The following CAMKMT variants were observed in gnomAD, a reference collection of about 807,000 sequenced individuals.
CAMKMT encodes CaM KMT.
A neutral mutation model predicts 48.0 loss-of-function variants in CAMKMT; 53 were observed. That is an observed-to-expected ratio of 1.10 (90% CI 0.89 to 1.39). CAMKMT has a LOEUF of 1.39. CAMKMT is among the 40% of genes most tolerant of loss of function. The pLI is 0.00. For synonymous variants in CAMKMT, 165 were observed against 152.3 expected (o/e 1.08, Z -0.61); for missense variants, 428 against 402.7 (o/e 1.06, Z -0.54).
At chr2:44,363,910 C>G (rs969325437) in intron 1 of CAMKMT, among the ~76,000 whole-genome samples, 4 of 151,614 alleles carry the variant, frequency 2.6e-5, no homozygotes, top group Non-Finnish European at 5.9e-5. Flanking sequence ...AGGCTGGTCT[C>G]AAACTCCTGA....
chr2:44,392,099 CTT>C (rs1438229360), intron 3 of CAMKMT: 1 of 152,086 alleles, frequency 6.6e-6, no homozygotes, highest in African/African-American at 2.4e-5. Flanking sequence ...TATATAACCT[CTT>C]TTGGTTTTTT....
chr2:44,655,401 G>A (rs534630800), intron 3 of CAMKMT, among the ~76,000 whole-genome samples: 47 of 152,156 alleles, frequency 3.1e-4, no homozygotes, highest in African/African-American at 1.1e-3. Context: ...GCTTTATTTG[G>A]CTAGTTGACA....
chr2:44,376,899 G>C (rs1401453827), intron 2 of CAMKMT, among the ~76,000 whole-genome samples: 1 of 152,132 alleles, frequency 6.6e-6, no homozygotes, highest in South Asian at 2.1e-4. Context: ...TCTACCTGTG[G>C]ATGGTGACTC....
At chr2:44,410,090 C>T (rs893591295) in intron 3 of CAMKMT, among the ~76,000 whole-genome samples, 3 of 151,386 alleles carry the variant, frequency 2.0e-5, no homozygotes, top group Non-Finnish European at 2.9e-5. Context: ...TTTTATATAT[C>T]TGTAGAAAAG....
intron 3 of CAMKMT, among the ~76,000 whole-genome samples, chr2:44,586,048 G>A (rs1669839083): frequency 6.6e-6 from 1 of 152,164 alleles, no homozygotes; most frequent in Admixed American, 6.5e-5. Context: ...TTTCTTTAAA[G>A]TTCAGACTAG....
At chr2:44,379,311 G>C (rs1403288237) in intron 2 of CAMKMT, among the ~76,000 whole-genome samples, 1 of 152,024 alleles carries the variant, frequency 6.6e-6, no homozygotes, top group Non-Finnish European at 1.5e-5. Context: ...TTTTTCATCA[G>C]TTGATGAACA....
At chr2:44,375,675 G>GAA (rs1243589282) in intron 2 of CAMKMT, among the ~76,000 whole-genome samples, 4 of 152,144 alleles carry the variant, frequency 2.6e-5, no homozygotes, top group African/African-American at 4.8e-5. Context: ...CACAGGGTAA[G>GAA]AAAGAGCAAG....
intron 3 of CAMKMT, among the ~76,000 whole-genome samples, chr2:44,645,169 G>A (rs559272319): frequency 2.6e-5 from 4 of 152,366 alleles, no homozygotes; most frequent in African/African-American, 9.6e-5. Flanking sequence ...GGAAGGTTGT[G>A]ATGAGTAGGA....
At chr2:44,396,943 C>G (rs778576405) in intron 3 of CAMKMT, among the ~76,000 whole-genome samples, 21 of 151,418 alleles carry the variant, frequency 1.4e-4, no homozygotes, top group Non-Finnish European at 2.5e-4. Context: ...GCTGTAGTCT[C>G]AGCTACTCAG....
At chr2:44,377,497 A>G (rs1020590002) in intron 2 of CAMKMT, among the ~76,000 whole-genome samples, 2 of 151,800 alleles carry the variant, frequency 1.3e-5, no homozygotes, top group African/African-American at 4.8e-5. Context: ...AATTGTTCCT[A>G]TCTCCCATAT....
At chr2:44,368,616 C>T (rs889629953) in intron 1 of CAMKMT, among the ~76,000 whole-genome samples, 2 of 152,218 alleles carry the variant, frequency 1.3e-5, no homozygotes, top group African/African-American at 4.8e-5. Flanking sequence ...TTATTTTTTA[C>T]ATTAGCGGTT....
At chr2:44,537,265 C>A (rs1666826477) in intron 3 of CAMKMT, among the ~76,000 whole-genome samples, 1 of 152,186 alleles carries the variant, frequency 6.6e-6, no homozygotes, top group African/African-American at 2.4e-5. Flanking sequence ...AACTATTTAT[C>A]TGACAAGGGA....
At chr2:44,381,231 T>C (rs893487350) in intron 2 of CAMKMT, among the ~76,000 whole-genome samples, 2 of 152,214 alleles carry the variant, frequency 1.3e-5, no homozygotes, top group Admixed American at 6.5e-5. Context: ...TTTTTTATTT[T>C]GAATAGTGTT....
intron 3 of CAMKMT, among the ~76,000 whole-genome samples, chr2:44,563,383 C>A (rs4953102): frequency 0.64 from 97,319 of 151,346 alleles, 32,313 homozygotes; most frequent in Middle Eastern, 0.72. Context: ...ATTGTTTTGC[C>A]TTATGTAGAT....
chr2:44,414,098 C>T (rs1489526875), intron 3 of CAMKMT, among the ~76,000 whole-genome samples: 1 of 152,176 alleles, frequency 6.6e-6, no homozygotes, highest in Non-Finnish European at 1.5e-5. Flanking sequence ...ACCTGTCCCA[C>T]ATCCTCATAT....
chr2:44,367,126 A>G (rs1210182740), intron 1 of CAMKMT, among the ~76,000 whole-genome samples: 1 of 152,180 alleles, frequency 6.6e-6, no homozygotes, highest in Admixed American at 6.5e-5. Context: ...TCATATATAA[A>G]TATAGGGATT....
intron 2 of CAMKMT, among the ~76,000 whole-genome samples, chr2:44,374,241 G>A (rs555484372): frequency 6.6e-6 from 1 of 151,922 alleles, no homozygotes; most frequent in South Asian, 2.1e-4. Flanking sequence ...TACCCCAACT[G>A]CTTTGCCTTT....
chr2:44,583,507 A>C (rs1351485519), intron 3 of CAMKMT, among the ~76,000 whole-genome samples: 5 of 152,198 alleles, frequency 3.3e-5, no homozygotes, highest in Non-Finnish European at 7.3e-5. Flanking sequence ...TTAAAAATAA[A>C]ATGAGGCTGA....
intron 3 of CAMKMT, among the ~76,000 whole-genome samples, chr2:44,633,033 CACAAGT>C (rs1446107131): frequency 1.3e-5 from 2 of 152,262 alleles, no homozygotes; most frequent in African/African-American, 2.4e-5. Context: ...CCCTGACTAA[CACAAGT>C]ACAATTTTAT....
Sources: gnomAD v4.1 joint callset for allele counts (sites outside exome capture counted in the v4.1 genomes callset) on GRCh38, gnomAD v4.1.1 for gene constraint, MANE v1.5 for transcripts, NCBI Gene and HGNC (gene_info 2026-07-23, HGNC 2026-07-21) for gene names.